LRRC4C: variants seen among roughly 807,000 people sequenced by gnomAD.
The protein encoded by LRRC4C is leucine-rich repeat-containing protein 4C.
A neutral mutation model predicts 33.6 loss-of-function variants in LRRC4C; 5 were observed. The ratio of observed to expected loss-of-function variants is 0.15; its 90% CI spans 0.08 to 0.31. The LOEUF is 0.31. Ranked by LOEUF, LRRC4C falls within the 10% of genes least tolerant of loss-of-function variation. LRRC4C has a pLI of 1.00. For synonymous variants in LRRC4C, 329 were observed against 302.0 expected (o/e 1.09, Z -0.93); for missense variants, 560 against 796.7 (o/e 0.70, Z 3.58).
rs551496718 is a variant in LRRC4C at position 41,387,201 on chromosome 11, TA to T, written c.-496+72229del. Among the ~76,000 whole-genome samples, 22 of 115,202 alleles carry T rather than the reference TA, an allele frequency of 1.9e-4. No individual in the cohort carries two copies. The East Asian group carries it at 5.6e-3, about 29-fold the overall frequency. The allele number at this position is 115,202 out of a possible 152,430, so 75.6% of individuals were successfully genotyped here. A position where few individuals can be genotyped will look rare whatever the true frequency, so the allele number is the denominator to read the frequency against. ...TACTTTTTAGGCAATGAGGAGATGA[TA>T]ACTTTTTTTTAAAGGGAAGTGGATA... On this transcript the variant is annotated intron_variant, in intron 1 of 6. Transcript: ENST00000528697.
At chr11:41,084,246 T>C (rs1461033827) in intron 1 of LRRC4C, among the ~76,000 whole-genome samples, 1 of 152,090 alleles carries the variant, frequency 6.6e-6, no homozygotes, top group African/African-American at 2.4e-5. Flanking sequence ...AAAGGAACTT[T>C]GGAGTAAGAG....
At chr11:40,275,485 C>T (rs146288159) in intron 4 of LRRC4C, among the ~76,000 whole-genome samples, 10 of 152,278 alleles carry the variant, frequency 6.6e-5, no homozygotes, top group African/African-American at 9.6e-5. Context: ...TGAAGCACAA[C>T]GGAGCCCACA....
intron 3 of LRRC4C, among the ~76,000 whole-genome samples, chr11:40,349,770 T>A (rs999157088): frequency 2.6e-5 from 4 of 152,190 alleles, no homozygotes; most frequent in Admixed American, 6.5e-5. Context: ...TCCTTTTAAC[T>A]GGAATGAGAT....
intron 2 of LRRC4C, among the ~76,000 whole-genome samples, chr11:40,816,840 T>A (rs1217603654): frequency 3.3e-5 from 5 of 152,122 alleles, no homozygotes; most frequent in African/African-American, 4.8e-5. Context: ...ATCCTCAATC[T>A]TTTGCAAAAG....
At chr11:40,988,129 C>T (rs1853206649) in intron 1 of LRRC4C, among the ~76,000 whole-genome samples, 1 of 152,082 alleles carries the variant, frequency 6.6e-6, no homozygotes, top group African/African-American at 2.4e-5. Flanking sequence ...AGGAGTAAAG[C>T]ATTTTTTAAA....
At chr11:40,951,376 G>T (rs1269501593) in intron 1 of LRRC4C, among the ~76,000 whole-genome samples, 2 of 151,764 alleles carry the variant, frequency 1.3e-5, no homozygotes, top group African/African-American at 4.8e-5. Flanking sequence ...CTGCTATTGT[G>T]CTTCTTAGTT....
intron 2 of LRRC4C, among the ~76,000 whole-genome samples, chr11:40,802,114 G>C (rs764626094): frequency 4.6e-5 from 7 of 152,278 alleles, no homozygotes; most frequent in Non-Finnish European, 1.0e-4. Flanking sequence ...TCCTTCCCTA[G>C]TGAGAATTCC....
At chr11:40,497,826 G>A (rs979531) in intron 3 of LRRC4C, among the ~76,000 whole-genome samples, 46,594 of 151,848 alleles carry the variant, frequency 0.31, 8,901 homozygotes, top group East Asian at 0.57. Flanking sequence ...AAAAGCTAAG[G>A]GTCAGAAGTT....
At chr11:40,973,370 C>A (rs1255451783) in intron 1 of LRRC4C, among the ~76,000 whole-genome samples, 1 of 151,532 alleles carries the variant, frequency 6.6e-6, no homozygotes, top group Non-Finnish European at 1.5e-5. Flanking sequence ...AAACAAAAAC[C>A]AAAAAAACAA....
intron 1 of LRRC4C, among the ~76,000 whole-genome samples, chr11:41,255,370 G>T (rs922893584): frequency 6.6e-6 from 1 of 151,946 alleles, no homozygotes; most frequent in East Asian, 1.9e-4. Flanking sequence ...GTGACAGAAA[G>T]CTCAAAGACC....
intron 4 of LRRC4C, among the ~76,000 whole-genome samples, chr11:40,301,067 A>C (rs1036774650): frequency 6.6e-6 from 1 of 152,196 alleles, no homozygotes; most frequent in Non-Finnish European, 1.5e-5. Flanking sequence ...ATCAATCACT[A>C]AAGAAGCTTG....
chr11:41,174,490 T>C (rs896420627), intron 1 of LRRC4C, among the ~76,000 whole-genome samples: 9 of 152,078 alleles, frequency 5.9e-5, no homozygotes, highest in Non-Finnish European at 1.2e-4. Context: ...TAAATAAAAA[T>C]ATAAGTCATA....
intron 4 of LRRC4C, among the ~76,000 whole-genome samples, chr11:40,284,715 G>T (rs1174901708): frequency 6.6e-6 from 1 of 152,108 alleles, no homozygotes; most frequent in East Asian, 1.9e-4. Flanking sequence ...TTGGATAGGA[G>T]GGATGTTAAA....
At chr11:40,266,093 T>C (rs1245519003) in intron 4 of LRRC4C, among the ~76,000 whole-genome samples, 3 of 151,614 alleles carry the variant, frequency 2.0e-5, no homozygotes, top group Non-Finnish European at 4.4e-5. Flanking sequence ...AGCTCAGGAG[T>C]TTCACAACAG....
chr11:40,118,632 A>C (rs1211382090), intron 6 of LRRC4C, among the ~76,000 whole-genome samples: 1 of 152,164 alleles, frequency 6.6e-6, no homozygotes. Flanking sequence ...CAGAGGGATC[A>C]GCTGAACCAA....
At chr11:40,501,143 G>A (rs372724036) in intron 3 of LRRC4C, among the ~76,000 whole-genome samples, 5 of 147,384 alleles carry the variant, frequency 3.4e-5, no homozygotes, top group Non-Finnish European at 7.5e-5. Context: ...GTGCAAGGGG[G>A]TGGGTTCCCA....
At chr11:40,635,971 GA>G (rs1410103117) in intron 3 of LRRC4C, among the ~76,000 whole-genome samples, 2 of 151,728 alleles carry the variant, frequency 1.3e-5, no homozygotes, top group Admixed American at 1.3e-4. Flanking sequence ...CAGAAATAGG[GA>G]AAAAAACAAT....
At chr11:40,185,720 G>A (rs1861350434) in intron 5 of LRRC4C, among the ~76,000 whole-genome samples, 1 of 152,124 alleles carries the variant, frequency 6.6e-6, no homozygotes, top group Non-Finnish European at 1.5e-5. Flanking sequence ...GAGGGGTGAA[G>A]AAACTTGCTC....
At chr11:40,190,129 G>A (rs1323972630) in intron 5 of LRRC4C, among the ~76,000 whole-genome samples, 2 of 152,150 alleles carry the variant, frequency 1.3e-5, no homozygotes, top group Non-Finnish European at 2.9e-5. Flanking sequence ...CCATGAGGAT[G>A]GCAGAGAAGA....
Sources: allele counts gnomAD v4.1 joint callset (sites outside exome capture counted in the v4.1 genomes callset), GRCh38; gene constraint gnomAD v4.1.1; transcripts MANE v1.5; gene names NCBI Gene and HGNC (gene_info 2026-07-23, HGNC 2026-07-21).